LINGO2: variants seen among roughly 807,000 people sequenced by gnomAD.
LINGO2 encodes leucine-rich repeat and immunoglobulin-like domain-containing nogo receptor-interacting protein 2.
Under a neutral mutation model 30.6 loss-of-function variants are expected in LINGO2, and 14 were observed. The ratio of observed to expected loss-of-function variants is 0.46; its 90% CI spans 0.30 to 0.72. LINGO2 has a LOEUF of 0.72. Ranked by LOEUF, LINGO2 falls within the 30% of genes least tolerant of loss-of-function variation. The pLI, the probability that LINGO2 is intolerant of heterozygous loss-of-function variation, is 0.07. For missense variants in LINGO2, 729 were observed against 751.7 expected (o/e 0.97, Z 0.35); for synonymous variants, 317 against 288.5 (o/e 1.10, Z -1.00).
At chr9:28,888,083 T>G in the LINGO2 span, among the ~76,000 whole-genome samples, 7 of 152,244 alleles carry the variant, frequency 4.6e-5, no homozygotes, top group African/African-American at 1.7e-4. Flanking sequence ...AAATATAACC[T>G]TTAGATATGA....
At chr9:28,221,284 A>T in intron 4 of LINGO2, among the ~76,000 whole-genome samples, 1 of 138,120 alleles carries the variant, frequency 7.2e-6, no homozygotes, top group African/African-American at 2.8e-5. Flanking sequence ...TGGGTGACAG[A>T]GCCAGACCCC....
chr9:28,364,240 T>C (rs1820570865), intron 3 of LINGO2, among the ~76,000 whole-genome samples: 1 of 152,226 alleles, frequency 6.6e-6, no homozygotes, highest in African/African-American at 2.4e-5. Context: ...TTGCAAGTGA[T>C]TGATTGACTA....
chr9:28,394,352 T>A (rs1022105606), intron 2 of LINGO2, among the ~76,000 whole-genome samples: 1 of 151,646 alleles, frequency 6.6e-6, no homozygotes, highest in Non-Finnish European at 1.5e-5. Context: ...ACAAAGCAAA[T>A]GGGGATTGTT....
At chr9:28,357,341 C>T (rs1177141087) in intron 3 of LINGO2, among the ~76,000 whole-genome samples, 1 of 134,740 alleles carries the variant, frequency 7.4e-6, no homozygotes, top group African/African-American at 2.8e-5. Flanking sequence ...AAAGAAAGCA[C>T]CAATACTTCT....
the LINGO2 span, among the ~76,000 whole-genome samples, chr9:29,145,532 CT>C: frequency 6.6e-6 from 1 of 150,628 alleles, no homozygotes; most frequent in Non-Finnish European, 1.5e-5. Flanking sequence ...AAAAAAATAA[CT>C]GTAAATGCCA....
chr9:28,902,225 C>T, the LINGO2 span, among the ~76,000 whole-genome samples: 1 of 151,892 alleles, frequency 6.6e-6, no homozygotes, highest in Non-Finnish European at 1.5e-5. Context: ...ATGCTTATAT[C>T]AGTAAAATGA....
intron 1 of LINGO2, among the ~76,000 whole-genome samples, chr9:28,625,852 G>GTTT (rs1214187322): frequency 1.3e-5 from 2 of 151,850 alleles, no homozygotes; most frequent in African/African-American, 2.4e-5. Flanking sequence ...TGAACTTTGT[G>GTTT]TTTTTTCATT....
chr9:29,092,409 G>C, the LINGO2 span, among the ~76,000 whole-genome samples: 1 of 151,894 alleles, frequency 6.6e-6, no homozygotes, highest in Non-Finnish European at 1.5e-5. Flanking sequence ...TCATAAAAAG[G>C]TTGTAGACAT....
At chr9:28,297,869 C>T (rs1028253940) in intron 3 of LINGO2, among the ~76,000 whole-genome samples, 4 of 152,180 alleles carry the variant, frequency 2.6e-5, no homozygotes, top group African/African-American at 9.7e-5. Context: ...CAGTACAATC[C>T]TGTGTGCTCT....
At chr9:29,128,140 CGAGG>C in the LINGO2 span, among the ~76,000 whole-genome samples, 1 of 152,044 alleles carries the variant, frequency 6.6e-6, no homozygotes, top group Non-Finnish European at 1.5e-5. Context: ...CATTGCCTCT[CGAGG>C]GAAAACATAC....
intron 1 of LINGO2, among the ~76,000 whole-genome samples, chr9:28,632,410 A>G (rs1222042145): frequency 2.0e-5 from 3 of 151,746 alleles, no homozygotes; most frequent in Non-Finnish European, 4.4e-5. Context: ...GTCTCACACT[A>G]TCCAGATGAG....
intron 4 of LINGO2, among the ~76,000 whole-genome samples, chr9:28,155,522 A>G (rs535145506): frequency 6.6e-6 from 1 of 152,338 alleles, no homozygotes; most frequent in South Asian, 2.1e-4. Flanking sequence ...AGCTTTGAAC[A>G]TAAGATATGC....
the LINGO2 span, among the ~76,000 whole-genome samples, chr9:29,112,548 T>C: frequency 2.6e-5 from 4 of 152,186 alleles, no homozygotes; most frequent in Non-Finnish European, 5.9e-5. Flanking sequence ...AAGGCATCTA[T>C]TCAAAAAGTT....
chr9:28,711,615 C>CA, the LINGO2 span, among the ~76,000 whole-genome samples: 3 of 152,258 alleles, frequency 2.0e-5, no homozygotes, highest in East Asian at 5.8e-4. Context: ...TGGGACAACA[C>CA]ATAATTCAAG....
At position 28,013,584 on chromosome 9, in the gene LINGO2, G is replaced by A. The variant is rs528879409; in HGVS notation, c.-86-1179C>T. Among the ~76,000 whole-genome samples, 28 of 152,314 alleles carry A rather than the reference G, an allele frequency of 1.8e-4. No homozygotes were observed. The East Asian group carries it at 2.7e-3, about 15-fold the overall frequency. On this transcript the variant is annotated intron_variant, in intron 4 of 5. Coordinates refer to ENST00000379992, the Ensembl canonical transcript of LINGO2. Reference sequence around the variant, plus strand: ...TTGTACAGAGGAATGTGGCAAAGACGGGGAGTGAATGAGAAGAAGCTGATA... The same window carrying A: ...TTGTACAGAGGAATGTGGCAAAGACAGGGAGTGAATGAGAAGAAGCTGATA...
At chr9:28,484,451 T>C (rs987570199) in intron 1 of LINGO2, among the ~76,000 whole-genome samples, 2 of 152,106 alleles carry the variant, frequency 1.3e-5, no homozygotes, top group African/African-American at 4.8e-5. Context: ...TTCAAGTAAT[T>C]GAAGGAAGTT....
chr9:27,985,600 G>T (rs2150987), intron 5 of LINGO2, among the ~76,000 whole-genome samples: 57,254 of 141,680 alleles, frequency 0.4, 11,137 homozygotes, highest in African/African-American at 0.53. Context: ...AAGAAAAAGT[G>T]TAGTACAAGA....
chr9:27,952,593 T>C (rs534144535), intron 5 of LINGO2, among the ~76,000 whole-genome samples: 2 of 151,676 alleles, frequency 1.3e-5, no homozygotes, highest in Non-Finnish European at 2.9e-5. Context: ...AAAAATAAAG[T>C]CAAGAAAACA....
the LINGO2 span, among the ~76,000 whole-genome samples, chr9:29,206,781 A>G: frequency 7.9e-5 from 12 of 152,332 alleles, no homozygotes; most frequent in Non-Finnish European, 1.5e-4. Flanking sequence ...GAACAAGAAC[A>G]AATTCTCATG....
Sources: allele counts gnomAD v4.1 joint callset (sites outside exome capture counted in the v4.1 genomes callset), GRCh38; gene constraint gnomAD v4.1.1; transcripts MANE v1.5; gene names NCBI Gene and HGNC (gene_info 2026-07-23, HGNC 2026-07-21).